The following GPC6 variants were observed in gnomAD, a reference collection of about 807,000 sequenced individuals.
GPC6 encodes glypican-6.
GPC6 carries 14 observed loss-of-function variants against 55.2 expected under a neutral mutation model. The ratio of observed to expected loss-of-function variants is 0.25; its 90% CI spans 0.17 to 0.40. The LOEUF is 0.40. GPC6 is among the 10% of genes least tolerant of loss of function. GPC6 has a pLI of 1.00. For missense variants in GPC6, 641 were observed against 708.5 expected, an observed-to-expected ratio of 0.90 and a Z score of 1.08; for synonymous variants, 278 against 259.6, an observed-to-expected ratio of 1.07 and a Z score of -0.68.
intron 4 of GPC6, among the ~76,000 whole-genome samples, chr13:94,244,440 G>T (rs9561517): frequency 0.28 from 42,047 of 151,644 alleles, 6,450 homozygotes; most frequent in Non-Finnish European, 0.35. Flanking sequence ...TTTCCATCTC[G>T]AACTAAATGT....
intron 1 of GPC6, among the ~76,000 whole-genome samples, chr13:93,421,907 C>T (rs1255548745): frequency 6.6e-6 from 1 of 152,148 alleles, no homozygotes; most frequent in East Asian, 1.9e-4. Flanking sequence ...ATGATTGATT[C>T]CCTCAGCCTA....
At chr13:93,345,930 C>T (rs1427827701) in intron 1 of GPC6, among the ~76,000 whole-genome samples, 1 of 152,158 alleles carries the variant, frequency 6.6e-6, no homozygotes, top group African/African-American at 2.4e-5. Context: ...AAGAAAAGTT[C>T]ACCATAGTTT....
At chr13:93,979,399 T>TCTAAGTGTAATAAGTATTACA (rs1201506304) in intron 3 of GPC6, among the ~76,000 whole-genome samples, 1 of 151,654 alleles carries the variant, frequency 6.6e-6, no homozygotes, top group Non-Finnish European at 1.5e-5. Context: ...CTCTTTGAGT[T>TCTAAGTGTAATAAGTATTACA]CTAAGGGCTA....
intron 1 of GPC6, among the ~76,000 whole-genome samples, chr13:93,459,865 C>T (rs929206964): frequency 2.0e-5 from 3 of 152,088 alleles, no homozygotes; most frequent in Non-Finnish European, 4.4e-5. Context: ...AAATGGCATC[C>T]CCTGAATTTG....
intron 3 of GPC6, among the ~76,000 whole-genome samples, chr13:93,903,992 A>T (rs1448185564): frequency 6.6e-6 from 1 of 152,062 alleles, no homozygotes; most frequent in Non-Finnish European, 1.5e-5. Context: ...TTTTGTGTTG[A>T]TTAATAGATT....
rs547125718 is a variant in GPC6, at chr13:93,725,214, C to G, written c.320-104940C>G. On this transcript the variant is annotated intron_variant, in intron 2 of 8. Coordinates refer to ENST00000377047, the MANE Select transcript of GPC6 (RefSeq NM_005708.5). ...AAATAATATTCAGTGAGTGGAAGAA[C>G]AGCTAACATTATTGGGAGAAGGCCA... Among the ~76,000 whole-genome samples, 12 of 139,692 alleles carry G rather than the reference C, an allele frequency of 8.6e-5. No homozygotes were observed. The East Asian group carries it at 2.5e-3, about 29-fold the overall frequency. 91.6% of individuals were successfully genotyped at this position (139,692 alleles called of 152,430 possible).
intron 4 of GPC6, among the ~76,000 whole-genome samples, chr13:94,134,357 A>G (rs1019870250): frequency 6.6e-6 from 1 of 152,150 alleles, no homozygotes. Flanking sequence ...TCTCCTTTAC[A>G]CTGTACTATT....
At chr13:93,958,029 T>C (rs1424444762) in intron 3 of GPC6, among the ~76,000 whole-genome samples, 2 of 152,200 alleles carry the variant, frequency 1.3e-5, no homozygotes, top group Non-Finnish European at 2.9e-5. Flanking sequence ...AAAGTGTCTG[T>C]TCATGTCCTT....
chr13:93,939,681 C>T (rs1878630042), intron 3 of GPC6, among the ~76,000 whole-genome samples: 1 of 151,968 alleles, frequency 6.6e-6, no homozygotes, highest in African/African-American at 2.4e-5. Flanking sequence ...AGCTCCTCAG[C>T]TCAAAGAATC....
chr13:93,832,202 G>T (rs1887546450), intron 3 of GPC6, among the ~76,000 whole-genome samples: 1 of 127,214 alleles, frequency 7.9e-6, no homozygotes, highest in South Asian at 2.6e-4. Flanking sequence ...TAGAGCCCCA[G>T]AAATGCATTT....
At chr13:93,442,688 C>A (rs1299771911) in intron 1 of GPC6, among the ~76,000 whole-genome samples, 1 of 152,094 alleles carries the variant, frequency 6.6e-6, no homozygotes, top group Non-Finnish European at 1.5e-5. Flanking sequence ...TATAAACAAG[C>A]CAGCTATATA....
In GPC6 at chr13:94,117,681, G is replaced by A. The variant is rs114352122; in HGVS notation, c.877+89787G>A. ...CAAGAAGAGAACAAAGTAAGTGGTAGAGAAAGGAAAGAACACTTAAACTTC... is the reference window on the plus strand; with the variant it reads ...CAAGAAGAGAACAAAGTAAGTGGTAAAGAAAGGAAAGAACACTTAAACTTC... On this transcript the variant is annotated intron_variant, in intron 4 of 8. Coordinates refer to ENST00000377047, the MANE Select transcript of GPC6 (RefSeq NM_005708.5). Among the ~76,000 whole-genome samples, 587 of 152,200 alleles carry A rather than the reference G, an allele frequency of 3.9e-3. 6 individuals carry two copies. The highest frequency in any genetic ancestry group is 0.013 in the African/African-American group (548 of 41,560).
chr13:93,449,028 G>C (rs1006679876), intron 1 of GPC6, among the ~76,000 whole-genome samples: 6 of 152,236 alleles, frequency 3.9e-5, no homozygotes. Flanking sequence ...TAAGGGCACT[G>C]TACTGTGTAA....
At chr13:93,675,192 C>A (rs9524165) in intron 2 of GPC6, among the ~76,000 whole-genome samples, 1 of 151,858 alleles carries the variant, frequency 6.6e-6, no homozygotes. Context: ...AAACCTATTT[C>A]TAATGTTTAT....
intron 2 of GPC6, among the ~76,000 whole-genome samples, chr13:93,650,806 C>A (rs961088961): frequency 6.6e-6 from 1 of 152,184 alleles, no homozygotes; most frequent in East Asian, 1.9e-4. Context: ...AAAAGATGCA[C>A]AAGTGCACCT....
chr13:93,266,752 G>T (rs1258335217), intron 1 of GPC6, among the ~76,000 whole-genome samples: 2 of 152,186 alleles, frequency 1.3e-5, no homozygotes, highest in East Asian at 3.9e-4. Flanking sequence ...AGAATTTAAG[G>T]AGATTAAATG....
intron 2 of GPC6, among the ~76,000 whole-genome samples, chr13:93,817,793 A>G (rs1216629026): frequency 1.3e-5 from 2 of 151,770 alleles, no homozygotes; most frequent in African/African-American, 2.4e-5. Flanking sequence ...CCTGGAGGGG[A>G]AGGTTGCAGA....
intron 1 of GPC6, among the ~76,000 whole-genome samples, chr13:93,295,157 G>A (rs1283268267): frequency 6.7e-6 from 1 of 149,118 alleles, no homozygotes; most frequent in African/African-American, 2.5e-5. Flanking sequence ...TGGGCATTGT[G>A]GCGGTGTGCC....
rs768601581 is a variant in GPC6 at position 93,368,337 on chromosome 13, T to TTTCCTTCCTTCCTTCCTTCC, written c.160+140754_160+140773dup. Among the ~76,000 whole-genome samples, 188 of 92,552 alleles carry TTTCCTTCCTTCCTTCCTTCC rather than the reference T, an allele frequency of 2.0e-3. 1 individual carries two copies. The highest frequency in any genetic ancestry group is 6.7e-3 in the African/African-American group (147 of 21,860). The allele number at this position is 92,552 out of a possible 152,430, so 60.7% of individuals were successfully genotyped here. ...CTTCCCTCCTTCCCTCCCTCCCTGC[T>TTTCCTTCCTTCCTTCCTTCC]TTCCTTCCTTCCTTCCTTCCTTCCT... On this transcript the variant is annotated intron_variant, in intron 1 of 8. Coordinates refer to ENST00000377047, the MANE Select transcript of GPC6 (RefSeq NM_005708.5).
Sources: gnomAD v4.1 joint callset for allele counts (sites outside exome capture counted in the v4.1 genomes callset) on GRCh38, gnomAD v4.1.1 for gene constraint, MANE v1.5 for transcripts, NCBI Gene and HGNC (gene_info 2026-07-23, HGNC 2026-07-21) for gene names.